Variants in NTNG1 observed in about 807,000 individuals in gnomAD.
The protein encoded by NTNG1 is netrin-G1.
Under a neutral mutation model 54.0 loss-of-function variants are expected in NTNG1, and 16 were observed. The observed-to-expected ratio is 0.30, with a 90% CI of 0.20 to 0.45. The LOEUF (loss-of-function observed/expected upper bound fraction) is 0.45, where lower values mean the gene tolerates loss of function less well. Among genes scored for constraint, NTNG1 ranks in the 20% least tolerant of loss-of-function variants. The pLI, the probability that NTNG1 is intolerant of heterozygous loss-of-function variation, is 1.00. For missense variants in NTNG1, 530 were observed against 678.7 expected (o/e 0.78, Z 2.43); for synonymous variants, 255 against 263.1 (o/e 0.97, Z 0.30).
intron 3 of NTNG1, among the ~76,000 whole-genome samples, chr1:107,352,682 A>T (rs569151282): frequency 1.7e-4 from 26 of 152,256 alleles, no homozygotes; most frequent in Non-Finnish European, 2.2e-4. Flanking sequence ...TAAATCTTAA[A>T]GCTTCAAAAT....
chr1:107,297,174 C>CATATAT (rs1666005602), intron 2 of NTNG1, among the ~76,000 whole-genome samples: 4 of 125,096 alleles, frequency 3.2e-5, no homozygotes, highest in Admixed American at 1.7e-4. Context: ...TATATAACAT[C>CATATAT]ATATAACATC....
intron 2 of NTNG1, among the ~76,000 whole-genome samples, chr1:107,286,787 C>T (rs1458567399): frequency 2.6e-5 from 4 of 152,078 alleles, no homozygotes; most frequent in Admixed American, 6.6e-5. Flanking sequence ...ATATTAATTC[C>T]TGGTTGTTGG....
chr1:107,358,484 T>C (rs1670073759), intron 3 of NTNG1, among the ~76,000 whole-genome samples: 1 of 152,104 alleles, frequency 6.6e-6, no homozygotes, highest in Non-Finnish European at 1.5e-5. Flanking sequence ...AACTTTTTCT[T>C]TACAATCAAT....
chr1:107,248,198 G>C (rs546748987), intron 2 of NTNG1, among the ~76,000 whole-genome samples: 1 of 152,090 alleles, frequency 6.6e-6, no homozygotes, highest in Non-Finnish European at 1.5e-5. Flanking sequence ...AGGCCTCTTG[G>C]CAGCTGGGGC....
intron 2 of NTNG1, among the ~76,000 whole-genome samples, chr1:107,150,472 T>A (rs113540897): frequency 4.0e-4 from 61 of 152,274 alleles, no homozygotes; most frequent in African/African-American, 1.4e-3. Context: ...GAGGATGAGT[T>A]CCAGGCCAAG....
intron 2 of NTNG1, among the ~76,000 whole-genome samples, chr1:107,271,028 G>T (rs1664110248): frequency 6.6e-6 from 1 of 151,754 alleles, no homozygotes; most frequent in Non-Finnish European, 1.5e-5. Flanking sequence ...CAACCAAAAG[G>T]ATTTAAAAAG....
At chr1:107,301,080 GA>G (rs201054450) in intron 2 of NTNG1, among the ~76,000 whole-genome samples, 8 of 150,658 alleles carry the variant, frequency 5.3e-5, no homozygotes, top group South Asian at 4.2e-4. Context: ...ATCAATATTA[GA>G]AAAAAAAGTA....
At chr1:107,245,760 G>A (rs917757507) in intron 2 of NTNG1, among the ~76,000 whole-genome samples, 22 of 152,256 alleles carry the variant, frequency 1.4e-4, no homozygotes, top group Admixed American at 1.3e-3. Context: ...GGCTTGCTGC[G>A]TATTATCACC....
In NTNG1 at chr1:107,445,531, C is replaced by T. The variant is rs1020319; in HGVS notation, c.1390+8732C>T. 1.7e-3 allele frequency among the ~76,000 whole-genome samples: 264 copies of T among 152,188 alleles called. 2 individuals are homozygous for T. Among genetic ancestry groups the T allele is most frequent in the African/African-American group, 6.2e-3 (257 of 41,526 alleles). On this transcript the variant is annotated intron_variant, in intron 7 of 7. Transcript: ENST00000370068. The stretch of plus-strand genomic sequence containing the variant: ...ATTATTTTCCTTATTTTATAGATGA[C>T]AAAACTGAGATTTAAAGAGGATAAT...
At chr1:107,405,811 G>A (rs1249573099) in intron 4 of NTNG1, among the ~76,000 whole-genome samples, 1 of 152,010 alleles carries the variant, frequency 6.6e-6, no homozygotes, top group Non-Finnish European at 1.5e-5. Context: ...TGGAACTTCT[G>A]CAATTGATAC....
At chr1:107,458,909 T>A (rs1677111314) in intron 7 of NTNG1, among the ~76,000 whole-genome samples, 2 of 152,208 alleles carry the variant, frequency 1.3e-5, no homozygotes, top group African/African-American at 4.8e-5. Context: ...GTAAGGAATA[T>A]AACTTAATGT....
At chr1:107,458,205 T>C (rs1468264756) in intron 7 of NTNG1, among the ~76,000 whole-genome samples, 3 of 152,126 alleles carry the variant, frequency 2.0e-5, no homozygotes, top group Admixed American at 1.3e-4. Context: ...ACACATGAGT[T>C]CCACTGTTAT....
chr1:107,312,482 C>T (rs952927840), intron 2 of NTNG1, among the ~76,000 whole-genome samples: 1 of 151,932 alleles, frequency 6.6e-6, no homozygotes, highest in Non-Finnish European at 1.5e-5. Flanking sequence ...AGTCAAGGCT[C>T]ACAATGTGAA....
chr1:107,292,111 A>C (rs559355361), intron 2 of NTNG1, among the ~76,000 whole-genome samples: 32 of 152,202 alleles, frequency 2.1e-4, no homozygotes, highest in Non-Finnish European at 4.0e-4. Context: ...GATAAAAACA[A>C]GATGCTTCCT....
At chr1:107,376,262 G>A (rs958323738) in intron 3 of NTNG1, among the ~76,000 whole-genome samples, 3 of 152,022 alleles carry the variant, frequency 2.0e-5, no homozygotes, top group Non-Finnish European at 4.4e-5. Context: ...CAAGAAATTA[G>A]CTGGGCGCGG....
rs374786669 is a variant in NTNG1, at chr1:107,476,238, T to C, written c.1391-4373T>C. Among the ~76,000 whole-genome samples the C allele has an allele frequency of 4.3e-4, 65 of 152,302 alleles. 1 individual carries two copies. The highest frequency in any genetic ancestry group is 1.5e-3 in the African/African-American group (64 of 41,570). On this transcript the variant is annotated intron_variant, in intron 7 of 7. Coordinates refer to ENST00000370068, the MANE Select transcript of NTNG1 (RefSeq NM_001113226.3). ...TCTTCTCAGCATCCTTTATGGTCTT[T>C]CTCTTCCAATGGCCTAAATGCTGAT...
At chr1:107,265,443 A>C (rs1046443762) in intron 2 of NTNG1, among the ~76,000 whole-genome samples, 8 of 152,230 alleles carry the variant, frequency 5.3e-5, no homozygotes, top group African/African-American at 1.9e-4. Context: ...ACTTGCTGAA[A>C]GGGAGTCAAC....
chr1:107,385,059 G>A (rs1198376416), intron 3 of NTNG1, among the ~76,000 whole-genome samples: 1 of 152,156 alleles, frequency 6.6e-6, no homozygotes, highest in East Asian at 1.9e-4. Context: ...GACATTTCAT[G>A]ATCTAGGCTT....
At chr1:107,232,001 G>A (rs551634600) in intron 2 of NTNG1, among the ~76,000 whole-genome samples, 1 of 152,128 alleles carries the variant, frequency 6.6e-6, no homozygotes, top group South Asian at 2.1e-4. Flanking sequence ...AATAATGAAG[G>A]CCTCTTGATT....
Sources: allele counts gnomAD v4.1 joint callset (sites outside exome capture counted in the v4.1 genomes callset), GRCh38; gene constraint gnomAD v4.1.1; transcripts MANE v1.5; gene names NCBI Gene and HGNC (gene_info 2026-07-23, HGNC 2026-07-21).